The following RAD52 variants were observed in gnomAD, a reference collection of about 807,000 sequenced individuals.
RAD52 encodes the protein RAD52 DNA repair protein.
A neutral mutation model predicts 55.5 loss-of-function variants in RAD52; 47 were observed. The ratio of observed to expected loss-of-function variants is 0.85; its 90% CI spans 0.67 to 1.08. RAD52 has a LOEUF of 1.08. Ranked by LOEUF, RAD52 falls within the 50% of genes least tolerant of loss-of-function variation. RAD52 has a pLI of 0.00. For missense variants in RAD52, 468 were observed against 522.8 expected (o/e 0.90, Z 1.02); for synonymous variants, 184 against 198.9 (o/e 0.92, Z 0.63).
rs11571486 is a variant in RAD52 at position 912,297 on chromosome 12, C to T, written c.*1094G>A. On this transcript the variant is annotated 3_prime_UTR_variant, in exon 12 of 12. Transcript: ENST00000358495. ...ACCAGGCATACAACAGTTTATGCAGCGACCCTAAGAGAAAAAAAAACCCAG... is the reference window on the plus strand; with the variant it reads ...ACCAGGCATACAACAGTTTATGCAGTGACCCTAAGAGAAAAAAAAACCCAG... 667 of 197,882 alleles carry T rather than the reference C, an allele frequency of 3.4e-3. 4 individuals are homozygous for T. Among genetic ancestry groups the T allele is most frequent in the South Asian group, 0.031 (161 of 5,194 alleles). The allele number at this position is 197,882 out of a possible 1,614,324, so 12.3% of individuals were successfully genotyped here. A position where few individuals can be genotyped will look rare whatever the true frequency, so the allele number is the denominator to read the frequency against.
intron 1 of RAD52, among the ~76,000 whole-genome samples, chr12:970,602 G>T (rs77607886): frequency 0.031 from 4,689 of 152,240 alleles, 138 homozygotes; most frequent in South Asian, 0.11. Flanking sequence ...TAGCTCTTAG[G>T]TTAAAATGAC....
intron 1 of RAD52, among the ~76,000 whole-genome samples, chr12:936,315 C>T (rs1957626332): frequency 6.6e-6 from 1 of 151,634 alleles, no homozygotes; most frequent in Non-Finnish European, 1.5e-5. Context: ...AAAAACAAAA[C>T]AAAACAAACA....
intron 8 of RAD52, 69 bp from the exon 9 acceptor site, chr12:916,552 G>A: frequency 6.2e-7 from 1 of 1,601,204 alleles, no homozygotes; most frequent in Non-Finnish European, 8.5e-7. Flanking sequence ...GGACACGCAC[G>A]GCTGGCTGGC....
intron 7 of RAD52, 50 bp from the exon 8 acceptor site, chr12:916,870 G>C (rs780962718): frequency 2.4e-5 from 37 of 1,567,128 alleles, no homozygotes; most frequent in Non-Finnish European, 3.0e-5. Context: ...CTTGCCCTCC[G>C]CTGCTTCTCC....
upstream of RAD52, among the ~76,000 whole-genome samples, chr12:953,306 A>T (rs1014599005): frequency 1.3e-5 from 2 of 151,842 alleles, no homozygotes; most frequent in African/African-American, 4.8e-5. Flanking sequence ...TCAGTCTCAA[A>T]AAAAATAAAA....
At chr12:989,438 GGAA>G (rs1959142639) in intron 1 of RAD52, among the ~76,000 whole-genome samples, 1 of 152,124 alleles carries the variant, frequency 6.6e-6, no homozygotes, top group Admixed American at 6.5e-5. Flanking sequence ...TGGGGTCTCA[GGAA>G]GAAGAGACAG....
intron 2 of RAD52, 42 bp from the exon 3 acceptor site, chr12:931,363 T>G: frequency 7.2e-7 from 1 of 1,389,552 alleles, no homozygotes; most frequent in Non-Finnish European, 9.9e-7. Flanking sequence ...ACTTCCACCA[T>G]TCCTCACATC....
At chr12:971,816 C>G (rs1958860096) in intron 1 of RAD52, among the ~76,000 whole-genome samples, 1 of 151,572 alleles carries the variant, frequency 6.6e-6, no homozygotes, top group African/African-American at 2.4e-5. Context: ...GGCGCGATCT[C>G]GGCTCACTGC....
chr12:967,665 C>T (rs1009737248), intron 1 of RAD52, among the ~76,000 whole-genome samples: 10 of 151,954 alleles, frequency 6.6e-5, no homozygotes, highest in African/African-American at 1.9e-4. Context: ...AGTTCAGTGG[C>T]GCGACCAAAG....
upstream of RAD52, among the ~76,000 whole-genome samples, chr12:949,893 C>A (rs1958475330): frequency 6.6e-6 from 1 of 152,194 alleles, no homozygotes; most frequent in Admixed American, 6.5e-5. Context: ...CTCGCCCTGC[C>A]GCTTCCCTGC....
intron 1 of RAD52, among the ~76,000 whole-genome samples, chr12:946,896 G>A (rs1396659212): frequency 3.3e-5 from 5 of 152,160 alleles, no homozygotes; most frequent in South Asian, 2.1e-4. Context: ...AAGATAACAC[G>A]TTTTGGTGTA....
upstream of RAD52, among the ~76,000 whole-genome samples, chr12:952,796 G>A (rs898489739): frequency 1.3e-5 from 2 of 148,674 alleles, no homozygotes; most frequent in Non-Finnish European, 3.0e-5. Context: ...GGAGGCTGAG[G>A]CAGGAGAATT....
intron 1 of RAD52, among the ~76,000 whole-genome samples, chr12:987,213 C>T (rs1959097691): frequency 6.6e-6 from 1 of 152,198 alleles, no homozygotes; most frequent in Admixed American, 6.5e-5. Flanking sequence ...TCGTGATCCA[C>T]CCGCCTCAGC....
chr12:986,839 C>T (rs1959092409), intron 1 of RAD52, among the ~76,000 whole-genome samples: 1 of 151,246 alleles, frequency 6.6e-6, no homozygotes, highest in Non-Finnish European at 1.5e-5. Context: ...CCCTTCTGTT[C>T]CAATCTAACT....
chr12:925,390 C>A, intron 7 of RAD52, 60 bp downstream of exon 7: 2 of 1,401,144 alleles, frequency 1.4e-6, no homozygotes, highest in Non-Finnish European at 2.0e-6. Flanking sequence ...AAATACTCAA[C>A]CCATGACACA....
chr12:969,963 G>A (rs7971382), intron 1 of RAD52, among the ~76,000 whole-genome samples: 50,453 of 151,594 alleles, frequency 0.33, 8,809 homozygotes, highest in Admixed American at 0.4. Context: ...CAGACTTTGC[G>A]TCAGTGTGAA....
intron 1 of RAD52, among the ~76,000 whole-genome samples, chr12:941,998 G>A (rs1455609363): frequency 1.3e-5 from 2 of 152,118 alleles, no homozygotes; most frequent in Non-Finnish European, 2.9e-5. Flanking sequence ...TATATTTGAA[G>A]ACTCAATACT....
chr12:928,234 G>C (rs955338374), intron 5 of RAD52, among the ~76,000 whole-genome samples: 10 of 152,092 alleles, frequency 6.6e-5, no homozygotes, highest in African/African-American at 2.4e-4. Flanking sequence ...TAAGTAGGCC[G>C]GGTGCGGTGG....
chr12:981,426 G>A (rs567301749), intron 1 of RAD52, among the ~76,000 whole-genome samples: 2 of 152,134 alleles, frequency 1.3e-5, no homozygotes, highest in Non-Finnish European at 2.9e-5. Context: ...TGAGATATGA[G>A]TCATTCTGCG....
Sources: allele counts gnomAD v4.1 joint callset (sites outside exome capture counted in the v4.1 genomes callset), GRCh38; gene constraint gnomAD v4.1.1; transcripts MANE v1.5; gene names NCBI Gene and HGNC (gene_info 2026-07-23, HGNC 2026-07-21).